MID1: variants seen among roughly 807,000 people sequenced by gnomAD.
The protein encoded by MID1 is midline 1, also known as E3 ubiquitin-protein ligase Midline-1.
A neutral mutation model predicts 40.4 loss-of-function variants in MID1; 7 were observed. The observed-to-expected ratio is 0.17, with a 90% CI of 0.10 to 0.33. The LOEUF is 0.33. Among genes scored for constraint, MID1 ranks in the 10% least tolerant of loss-of-function variants. The probability of loss-of-function intolerance (pLI) is 1.00; values close to 1 mark genes in which losing one functional copy is unlikely to be tolerated. For synonymous variants in MID1, 229 were observed against 221.2 expected, an observed-to-expected ratio of 1.04 and a Z score of -0.31; for missense variants, 367 against 558.5, an observed-to-expected ratio of 0.66 and a Z score of 3.46.
At chrX:10,627,249 T>C (rs1936004754) in intron 1 of MID1, among the ~76,000 whole-genome samples, 1 of 112,002 alleles carries the variant, frequency 8.9e-6, no homozygotes, top group African/African-American at 3.2e-5. Context: ...GTGGTAGAGC[T>C]TCAGAGAAAT....
At chrX:10,718,622 G>A (rs2043323615) in intron 1 of MID1, among the ~76,000 whole-genome samples, 2 of 111,594 alleles carry the variant, frequency 1.8e-5, no homozygotes, top group South Asian at 3.7e-4. Flanking sequence ...AGAGGTACAA[G>A]GAGGAGCTAG....
At chrX:10,788,394 C>A (rs1051853595) in intron 1 of MID1, among the ~76,000 whole-genome samples, 3 of 111,506 alleles carry the variant, frequency 2.7e-5, no homozygotes, top group African/African-American at 9.8e-5. Context: ...ATTCATTGTT[C>A]ATTCACTTTT....
intron 1 of MID1, among the ~76,000 whole-genome samples, chrX:10,786,543 C>G (rs1006218070): frequency 2.7e-5 from 3 of 110,652 alleles, no homozygotes; most frequent in African/African-American, 9.9e-5. Context: ...GCACTATTCA[C>G]AATAGCAAAG....
At chrX:10,602,287 G>A (rs1935545290) in intron 1 of MID1, among the ~76,000 whole-genome samples, 1 of 98,292 alleles carries the variant, frequency 1.0e-5, no homozygotes, top group African/African-American at 4.2e-5. Flanking sequence ...ATGCTTGGAT[G>A]CTATGCTTAT....
intron 1 of MID1, among the ~76,000 whole-genome samples, chrX:10,806,026 T>C (rs1345287400): frequency 1.9e-5 from 2 of 106,652 alleles, no homozygotes; most frequent in African/African-American, 3.4e-5. Context: ...GTAGGTTGCC[T>C]GTTCACTCTG....
chrX:10,787,345 A>ATT (rs1190296610), intron 1 of MID1, among the ~76,000 whole-genome samples: 3 of 108,830 alleles, frequency 2.8e-5, no homozygotes, highest in African/African-American at 1.0e-4. Context: ...TGAGGGATCT[A>ATT]TTTTTTTTAA....
At chrX:10,503,696 C>T (rs980578096) in intron 3 of MID1, among the ~76,000 whole-genome samples, 1 of 111,576 alleles carries the variant, frequency 9.0e-6, no homozygotes, top group Non-Finnish European at 1.9e-5. Context: ...GAGATCAATT[C>T]TACATATTGA....
intron 1 of MID1, among the ~76,000 whole-genome samples, chrX:10,714,343 C>G (rs750445422): frequency 8.9e-5 from 10 of 112,259 alleles, no homozygotes; most frequent in African/African-American, 1.9e-4. Context: ...CAGCTTAGAG[C>G]GAAGCCTGGG....
At chrX:10,693,296 G>A (rs1364422263) in intron 1 of MID1, among the ~76,000 whole-genome samples, 1 of 105,541 alleles carries the variant, frequency 9.5e-6, no homozygotes, top group Non-Finnish European at 1.9e-5. Flanking sequence ...TTGGGCTCAA[G>A]TGATCCTCCT....
chrX:10,585,651 G>T (rs1244051699), intron 1 of MID1, among the ~76,000 whole-genome samples: 1 of 110,818 alleles, frequency 9.0e-6, no homozygotes, highest in Non-Finnish European at 1.9e-5. Flanking sequence ...AAGGGGGTTG[G>T]TTATTACTAG....
intron 3 of MID1, among the ~76,000 whole-genome samples, chrX:10,498,857 T>C (rs1024122654): frequency 8.9e-6 from 1 of 112,391 alleles, no homozygotes; most frequent in African/African-American, 3.2e-5. Flanking sequence ...TCTTCTTTAA[T>C]AGATGCACAC....
intron 2 of MID1, among the ~76,000 whole-genome samples, chrX:10,556,505 G>A (rs1316208489): frequency 8.9e-6 from 1 of 111,869 alleles, no homozygotes; most frequent in Non-Finnish European, 1.9e-5. Flanking sequence ...AGTTTCCCAT[G>A]TCAGCCAGAA....
At chrX:10,802,235 G>A (rs1416617497) in intron 1 of MID1, among the ~76,000 whole-genome samples, 2 of 111,363 alleles carry the variant, frequency 1.8e-5, no homozygotes, top group African/African-American at 3.3e-5. Flanking sequence ...ACTATCAACC[G>A]AGTAAACAAA....
intron 9 of MID1, among the ~76,000 whole-genome samples, chrX:10,451,770 C>T (rs770280246): frequency 2.5e-4 from 28 of 111,743 alleles, no homozygotes; most frequent in Admixed American, 2.2e-3. Flanking sequence ...CCATGTAAGA[C>T]GGGACTTGTT....
intron 1 of MID1, among the ~76,000 whole-genome samples, chrX:10,733,398 G>A (rs1405750369): frequency 5.4e-5 from 6 of 111,028 alleles, no homozygotes; most frequent in Non-Finnish European, 1.1e-4. Context: ...CATAGGGCAG[G>A]AAAATTTTTT....
intron 1 of MID1, among the ~76,000 whole-genome samples, chrX:10,670,823 C>T (rs893942085): frequency 3.6e-5 from 4 of 112,278 alleles, no homozygotes; most frequent in South Asian, 7.4e-4. Flanking sequence ...TGCATCCCAT[C>T]ATCTTGACCT....
At chrX:10,808,545 TCTATGGTACACCTCC>T (rs1335021306) in intron 1 of MID1, among the ~76,000 whole-genome samples, 10 of 110,385 alleles carry the variant, frequency 9.1e-5, no homozygotes, top group Non-Finnish European at 1.9e-4. Flanking sequence ...TGGACCCCTC[TCTATGGTACACCTCC>T]CTATGGTACA....
At chrX:10,652,766 C>G (rs143189143) in intron 1 of MID1, among the ~76,000 whole-genome samples, 1,736 of 111,555 alleles carry the variant, frequency 0.016, 31 homozygotes, top group African/African-American at 0.05. Flanking sequence ...CATCTCAGGC[C>G]TTTGCACTTG....
intron 1 of MID1, among the ~76,000 whole-genome samples, chrX:10,730,634 C>A (rs1031428113): frequency 5.9e-5 from 6 of 102,544 alleles, no homozygotes; most frequent in Admixed American, 1.1e-4. Flanking sequence ...TGCAGTGGCA[C>A]GATCTCGGCT....
Sources: gnomAD v4.1 joint callset for allele counts (sites outside exome capture counted in the v4.1 genomes callset) on GRCh38, gnomAD v4.1.1 for gene constraint, MANE v1.5 for transcripts, NCBI Gene and HGNC (gene_info 2026-07-23, HGNC 2026-07-21) for gene names.